MICAL1: variants seen among roughly 807,000 people sequenced by gnomAD.
MICAL1 encodes the protein microtubule associated monooxygenase, calponin and LIM domain containing 1.
MICAL1 carries 95 observed loss-of-function variants against 131.8 expected under a neutral mutation model. The observed-to-expected ratio is 0.72, with a 90% CI of 0.61 to 0.86. The LOEUF (loss-of-function observed/expected upper bound fraction) is 0.86. Ranked by LOEUF, MICAL1 falls within the 40% of genes least tolerant of loss-of-function variation. MICAL1 has a pLI of 0.00. For synonymous variants in MICAL1, 546 were observed against 554.2 expected (o/e 0.99, Z 0.21); for missense variants, 1,292 against 1,380.6 (o/e 0.94, Z 1.02).
At position 109,453,816 on chromosome 6, in the gene MICAL1, C is replaced by T. The variant is rs144506328; in HGVS notation, c.288G>A (p.Gly96=). 2.5e-6 allele frequency: 4 copies of T among 1,613,420 alleles called. No individual in the cohort carries two copies. The highest frequency in any genetic ancestry group is 3.3e-5 in the Admixed American group (2 of 60,004). ...KCLVVGAGPC[G]LRVAVELALL... ...GCGCCAGCTCCACAGCGACCCGCAGCCCGCAAGGTCCAGCACCCACCACCA... is the reference window on the plus strand; with the variant it reads ...GCGCCAGCTCCACAGCGACCCGCAGTCCGCAAGGTCCAGCACCCACCACCA... Residue 96 remains glycine (G), a synonymous_variant, in exon 3 of 25, where the codon GGG becomes GGA. Transcript: ENST00000358807.
chr6:109,447,991 G>A lies in MICAL1; in HGVS notation c.1856-28C>T, dbSNP rs370527682. 3.7e-5 allele frequency: 58 copies of A among 1,577,990 alleles called. No individual in the cohort carries two copies. The African/African-American group carries it at 6.9e-4, about 19-fold the overall frequency. On this transcript the variant is annotated intron_variant, in intron 13 of 24. Transcript: ENST00000358807. ...GCGGGGAGAGCCAGGGCATCAGTGT[G>A]GATGGGGGGTGCCAATACTGTACTC...
intron 13 of MICAL1, 104 bp from the exon 14 acceptor site, chr6:109,448,067 G>C (rs1290928534): frequency 2.1e-5 from 29 of 1,359,520 alleles, no homozygotes; most frequent in Middle Eastern, 2.5e-4. Flanking sequence ...TCCCAGGCTG[G>C]CCCTCAGAGG....
At chr6:109,449,141 AG>A in intron 11 of MICAL1, 1 of 663,532 alleles carries the variant, frequency 1.5e-6, no homozygotes, top group East Asian at 2.7e-5. Context: ...AACTGGGGGC[AG>A]GGGAGGTTGC....
chr6:109,449,053 A>T (rs1016220482), intron 11 of MICAL1, 174 bp from the exon 12 acceptor site: 65 of 852,120 alleles, frequency 7.6e-5, no homozygotes, highest in African/African-American at 8.5e-5. Flanking sequence ...ATTCTCTTTT[A>T]AAAAAAATCT....
In MICAL1 at chr6:109,450,347, G is replaced by A; in HGVS notation, c.1144C>T (p.His382Tyr). Reference protein sequence around the residue: ...AESSARVQEKHGARLLLGLVG... With the variant: ...AESSARVQEKYGARLLLGLVG... The stretch of plus-strand genomic sequence containing the variant: ...AGTCCCAGCAGCAGGCGGGCGCCAT[G>A]CTTCTCTTGCACACGAGCAGAACTC... The change falls in exon 8 of 25, where the codon CAT (histidine) becomes TAT (tyrosine). Residue 382 changes from histidine to tyrosine, a missense_variant. His to Tyr is a moderately conservative substitution (Grantham distance 83). Transcript: ENST00000358807. 6.2e-7 allele frequency: 1 copy of A among 1,610,656 alleles called. No individual in the cohort carries two copies. The highest frequency in any genetic ancestry group is 8.5e-7 in the Non-Finnish European group (1 of 1,177,602).
intron 1 of MICAL1, 58 bp from the exon 2 acceptor site, chr6:109,454,297 G>A (rs1775664203): frequency 6.8e-7 from 1 of 1,468,910 alleles, no homozygotes; most frequent in Non-Finnish European, 9.0e-7. Flanking sequence ...TAAAAAGGAA[G>A]GGGAGGCGAA....
rs145118588 is a variant in MICAL1, at chr6:109,455,411, G to A, written c.-44+308C>T. The stretch of plus-strand genomic sequence containing the variant: ...CTTTCTTGGGGGTGGAGGGTGGAAG[G>A]AGGAAGACCTCGGCGAAAGGGGAGA... On this transcript the variant is annotated intron_variant, in intron 1 of 24. Transcript: ENST00000358807. The surrounding 1 kb of genome is among the most constrained non-coding windows in gnomAD (Gnocchi z 4.7). 1.6e-3 allele frequency among the ~76,000 whole-genome samples: 238 copies of A among 152,302 alleles called. 1 individual carries two copies. The highest frequency in any genetic ancestry group is 3.0e-3 in the Non-Finnish European group (201 of 68,032).
chr6:109,444,998 GAGA>G lies in MICAL1; in HGVS notation c.2882-6_2882-4del. The G allele has an allele frequency of 1.2e-6, 2 of 1,613,422 alleles. No homozygotes were observed. The highest frequency in any genetic ancestry group is 1.7e-4 in the Middle Eastern group (1 of 6,044). On this transcript the variant is annotated splice_region_variant and splice_polypyrimidine_tract_variant and intron_variant, in intron 22 of 24. Transcript: ENST00000358807. ...TTTCTTTTGCTGTTCTGGGGAACCT[GAGA>G]AGAAGGAAGATGGGTAGGGTGATCA...
chr6:109,455,934 A>T (rs1053777710), upstream of MICAL1: 27 of 985,480 alleles, frequency 2.7e-5, no homozygotes, highest in Non-Finnish European at 3.0e-5. This position sits in a 1 kb window ranked among gnomAD's most constrained non-coding sequence, Gnocchi z 4.7. Flanking sequence ...GCGACTCATT[A>T]GCATCTCATT....
Position 109,455,637 on chromosome 6 carries a change from G to C in MICAL1, c.-44+82C>G. 1 of 904,560 alleles carries C rather than the reference G, an allele frequency of 1.1e-6. No individual in the cohort carries two copies. Among genetic ancestry groups the C allele is most frequent in the Non-Finnish European group, 1.3e-6 (1 of 755,768 alleles). 56.0% of individuals were successfully genotyped at this position (904,560 alleles called of 1,614,324 possible). A position where few individuals can be genotyped will look rare whatever the true frequency, so the allele number is the denominator to read the frequency against. ...TGCCAGGCGTGGTTCCCGAGCGACC[G>C]CAGCTGCGTTTCCCCGGAAGCGCAC... On this transcript the variant is annotated intron_variant, in intron 1 of 24. Coordinates refer to ENST00000358807, the MANE Select transcript of MICAL1 (RefSeq NM_022765.4). This position sits in a 1 kb window ranked among gnomAD's most constrained non-coding sequence, Gnocchi z 4.7.
intron 12 of MICAL1, 142 bp from the exon 13 acceptor site, chr6:109,448,535 C>T (rs1775352759): frequency 2.4e-6 from 3 of 1,255,924 alleles, no homozygotes; most frequent in Non-Finnish European, 3.4e-6. Context: ...TCTCTGCTAC[C>T]CAGTGCCCAA....
intron 12 of MICAL1, 123 bp downstream of exon 12, chr6:109,448,609 T>A (rs998513484): frequency 1.4e-6 from 2 of 1,417,396 alleles, no homozygotes; most frequent in Non-Finnish European, 1.9e-6. Flanking sequence ...ACTATCTGAA[T>A]GCATTAGAGT....
chr6:109,444,684 CAT>C (rs770073451), intron 24 of MICAL1, 39 bp downstream of exon 24: 5 of 1,606,750 alleles, frequency 3.1e-6, no homozygotes, highest in African/African-American at 1.3e-5. Flanking sequence ...TTGCATGACA[CAT>C]CCCTGGGATG....
upstream of MICAL1, chr6:109,456,073 T>G (rs879860938): frequency 2.1e-6 from 2 of 971,246 alleles, no homozygotes; most frequent in Non-Finnish European, 2.4e-6. Flanking sequence ...GGGTCTGGCC[T>G]GTTGGGGGCT....
chr6:109,444,481 TG>T, intron 24 of MICAL1, 142 bp from the exon 25 acceptor site: 1 of 1,269,776 alleles, frequency 7.9e-7, no homozygotes, highest in Non-Finnish European at 1.1e-6. Context: ...CCAACACCAG[TG>T]GTTTTCTAGC....
At position 109,451,967 on chromosome 6, in the gene MICAL1, C is replaced by A. The variant is rs147841897; in HGVS notation, c.833-267G>T. ...CACCTGGTCGCATGGCAGTGCAAAA[C>A]CAAAGTAAACAGAGGCACCTTCTTG... is the stretch of plus-strand genomic sequence containing the variant. On this transcript the variant is annotated intron_variant, in intron 6 of 24. Transcript: ENST00000358807. 4.1e-4 allele frequency: 567 copies of A among 1,387,492 alleles called. 9 individuals are homozygous for A. In the Admixed American group the frequency reaches 0.017, roughly 41 times the overall value. 85.9% of individuals were successfully genotyped at this position (1,387,492 alleles called of 1,614,324 possible).
rs1266216901 is a variant in MICAL1, at chr6:109,446,359, T to C, written c.2358A>G (p.Thr786=). Residue 786 remains threonine, a synonymous_variant, in exon 19 of 25, where the codon ACA becomes ACG. Coordinates refer to ENST00000358807, the MANE Select transcript of MICAL1 (RefSeq NM_022765.4). ...CAGGACCGGCCCCCTCCTGCGAGGCTGTGGGAGTTGAGAGGCCTGGTGGCA... is the reference window on the plus strand; with the variant it reads ...CAGGACCGGCCCCCTCCTGCGAGGCCGTGGGAGTTGAGAGGCCTGGTGGCA... ...NSMPPGLSTP[T]ASQEGAGPVP... 6.2e-7 allele frequency: 1 copy of C among 1,614,130 alleles called. No individual in the cohort carries two copies. Among genetic ancestry groups the C allele is most frequent in the East Asian group, 2.2e-5 (1 of 44,862 alleles).
intron 1 of MICAL1, chr6:109,465,234 T>A (rs1391129158): frequency 1.3e-5 from 2 of 158,640 alleles, no homozygotes; most frequent in Non-Finnish European, 1.4e-5. Flanking sequence ...AAATACTGAG[T>A]TTATGAGTTT....
chr6:109,453,868 G>A (rs763155583), intron 2 of MICAL1, 23 bp from the exon 3 acceptor site: 1 of 1,611,388 alleles, frequency 6.2e-7, no homozygotes, highest in Admixed American at 1.7e-5. Context: ...AGGGCAGTGA[G>A]GGCATGGCAT....
Sources: allele counts gnomAD v4.1 joint callset (sites outside exome capture counted in the v4.1 genomes callset), GRCh38; gene constraint gnomAD v4.1.1; non-coding constraint Gnocchi (gnomAD v3.1); transcripts MANE v1.5; gene names NCBI Gene and HGNC (gene_info 2026-07-23, HGNC 2026-07-21).